TSPAN18: variants seen among roughly 807,000 people sequenced by gnomAD.
The protein encoded by TSPAN18 is tetraspanin-18.
Under a neutral mutation model 27.3 loss-of-function variants are expected in TSPAN18, and 14 were observed. The observed-to-expected ratio is 0.51, with a 90% CI of 0.34 to 0.80. The LOEUF is 0.80. Among genes scored for constraint, TSPAN18 ranks in the 30% least tolerant of loss-of-function variants. The pLI, the probability that TSPAN18 is intolerant of heterozygous loss-of-function variation, is 0.01. For missense variants in TSPAN18, 268 were observed against 323.9 expected, an observed-to-expected ratio of 0.83 and a Z score of 1.32; for synonymous variants, 143 against 136.5, an observed-to-expected ratio of 1.05 and a Z score of -0.33.
chr11:44,910,936 C>T (rs1376871053), intron 5 of TSPAN18, among the ~76,000 whole-genome samples: 3 of 152,202 alleles, frequency 2.0e-5, no homozygotes, highest in African/African-American at 7.2e-5. Context: ...TCTTGTTAAA[C>T]GAGGGGGCCG....
chr11:44,822,822 C>G (rs908471032), intron 2 of TSPAN18, among the ~76,000 whole-genome samples: 3 of 152,176 alleles, frequency 2.0e-5, no homozygotes, highest in Non-Finnish European at 4.4e-5. Context: ...TTGACCTGGG[C>G]TTCACTTTCT....
chr11:44,836,178 C>T (rs916648529), intron 2 of TSPAN18, among the ~76,000 whole-genome samples: 3 of 152,184 alleles, frequency 2.0e-5, no homozygotes, highest in Admixed American at 6.5e-5. Flanking sequence ...AAAAATGAGA[C>T]AGGCCGAAAG....
chr11:44,730,726 C>T (rs547010824), intron 1 of TSPAN18, among the ~76,000 whole-genome samples: 29 of 151,806 alleles, frequency 1.9e-4, no homozygotes, highest in African/African-American at 6.8e-4. Context: ...CGAGTTCAAG[C>T]GATTCTCCTG....
At position 44,931,869 on chromosome 11, in the gene TSPAN18, C is replaced by T. The variant is rs377253381; in HGVS notation, c.*2691C>T. ...CTTTGTTTCTTTTCACCCCGAAATA[C>T]AACAGCCCATAACAGAGACTTCCTC... On this transcript the variant is annotated 3_prime_UTR_variant, in exon 10 of 10. Transcript: ENST00000520358. The T allele has an allele frequency of 4.6e-5, 7 of 152,362 alleles. No individual in the cohort carries two copies. In the East Asian group the frequency reaches 1.3e-3, roughly 29 times the overall value. 9.4% of individuals were successfully genotyped at this position (152,362 alleles called of 1,614,324 possible). A position where few individuals can be genotyped will look rare whatever the true frequency, so the allele number is the denominator to read the frequency against.
intron 2 of TSPAN18, among the ~76,000 whole-genome samples, chr11:44,844,220 G>A (rs988242502): frequency 9.2e-5 from 14 of 152,060 alleles, no homozygotes; most frequent in East Asian, 1.9e-4. Flanking sequence ...CTGACTCCCC[G>A]CAACAGGAAT....
intron 4 of TSPAN18, among the ~76,000 whole-genome samples, chr11:44,908,806 A>AAGGAAGGAAG (rs1859585820): frequency 8.7e-6 from 1 of 114,502 alleles, no homozygotes; most frequent in African/African-American, 3.9e-5. Context: ...AAAGAAAGAA[A>AAGGAAGGAAG]GAAAGAAAGA....
chr11:44,726,910 A>AGGGGGGGGGAGGGCGGGGGAG (rs1294765719), upstream of TSPAN18: 1 of 15,840 alleles, frequency 6.3e-5, no homozygotes, highest in Admixed American at 6.0e-4. Flanking sequence ...AGGGCGGGGG[A>AGGGGGGGGGAGGGCGGGGGAG]GGGGAGGGAC....
chr11:44,851,544 C>A (rs1857600643), intron 2 of TSPAN18, among the ~76,000 whole-genome samples: 1 of 151,592 alleles, frequency 6.6e-6, no homozygotes, highest in Admixed American at 6.6e-5. Flanking sequence ...AACCCAGGAC[C>A]TAGAGTGGTC....
Position 44,727,124 on chromosome 11 carries a change from C to T in TSPAN18, c.-403C>T, listed in dbSNP as rs1281560985. 6.8e-6 allele frequency: 1 copy of T among 147,746 alleles called. No individual in the cohort carries two copies. The highest frequency in any genetic ancestry group is 1.5e-5 in the Non-Finnish European group (1 of 66,094). The allele number at this position is 147,746 out of a possible 1,614,324, so 9.2% of individuals were successfully genotyped here. On this transcript the variant is annotated 5_prime_UTR_variant, in exon 1 of 10. Coordinates refer to ENST00000520358, the MANE Select transcript of TSPAN18 (RefSeq NM_130783.5). ...CCGGCCCCGGTCCCGGCCCCGAGCC[C>T]CGAGCGAGCGCCGCCGCCTCGCGCT...
At chr11:44,907,463 C>G (rs1056774615) in intron 4 of TSPAN18, among the ~76,000 whole-genome samples, 1 of 152,202 alleles carries the variant, frequency 6.6e-6, no homozygotes, top group Non-Finnish European at 1.5e-5. Context: ...CTATCTCTAC[C>G]TCTATATCTT....
At chr11:44,875,743 T>G (rs1858314199) in intron 3 of TSPAN18, among the ~76,000 whole-genome samples, 1 of 152,220 alleles carries the variant, frequency 6.6e-6, no homozygotes, top group African/African-American at 2.4e-5. Context: ...TGAGCCTCAG[T>G]TTTTTGCCTG....
At chr11:44,765,522 A>G (rs1855549377) in intron 2 of TSPAN18, among the ~76,000 whole-genome samples, 2 of 152,088 alleles carry the variant, frequency 1.3e-5, no homozygotes, top group Admixed American at 1.3e-4. Context: ...TGTGACGCTC[A>G]CTCACTGCAC....
intron 2 of TSPAN18, among the ~76,000 whole-genome samples, chr11:44,831,034 A>G (rs1429219149): frequency 6.6e-6 from 1 of 152,158 alleles, no homozygotes; most frequent in Admixed American, 6.5e-5. Context: ...AATTGCTTGA[A>G]CCTAGGAGGT....
At chr11:44,782,718 C>T (rs560683817) in intron 2 of TSPAN18, among the ~76,000 whole-genome samples, 4 of 152,286 alleles carry the variant, frequency 2.6e-5, no homozygotes, top group African/African-American at 7.2e-5. Flanking sequence ...AGTTGCGTAA[C>T]GGTATCGCAT....
intron 5 of TSPAN18, among the ~76,000 whole-genome samples, chr11:44,911,590 C>G (rs1859715771): frequency 6.6e-6 from 1 of 152,160 alleles, no homozygotes; most frequent in Non-Finnish European, 1.5e-5. Flanking sequence ...TTAAAAGGAG[C>G]TTGGATATGG....
chr11:44,851,935 C>T (rs537888064), intron 2 of TSPAN18, among the ~76,000 whole-genome samples: 1 of 152,298 alleles, frequency 6.6e-6, no homozygotes, highest in East Asian at 1.9e-4. Flanking sequence ...TCTGTCTTTT[C>T]AGCTATTTGG....
chr11:44,767,343 C>G (rs1236217556), intron 2 of TSPAN18, among the ~76,000 whole-genome samples: 2 of 151,970 alleles, frequency 1.3e-5, no homozygotes, highest in Non-Finnish European at 2.9e-5. Flanking sequence ...TTAAATGACT[C>G]CAGGCTTCAT....
chr11:44,913,014 A>T (rs1208184179), intron 5 of TSPAN18, among the ~76,000 whole-genome samples: 1 of 152,234 alleles, frequency 6.6e-6, no homozygotes, highest in East Asian at 1.9e-4. Flanking sequence ...TGCCCTAAAA[A>T]ATAAGAAAAA....
At chr11:44,772,134 T>C (rs190463809) in intron 2 of TSPAN18, among the ~76,000 whole-genome samples, 18 of 152,314 alleles carry the variant, frequency 1.2e-4, no homozygotes, top group Middle Eastern at 3.4e-3. Flanking sequence ...TCCAGCTACA[T>C]TGGGGAGGGC....
Sources: gnomAD v4.1 joint callset for allele counts (sites outside exome capture counted in the v4.1 genomes callset) on GRCh38, gnomAD v4.1.1 for gene constraint, MANE v1.5 for transcripts, NCBI Gene and HGNC (gene_info 2026-07-23, HGNC 2026-07-21) for gene names.